NRG3: variants seen among roughly 807,000 people sequenced by gnomAD.
NRG3 encodes the protein pro-neuregulin-3, membrane-bound isoform.
In NRG3, 31 loss-of-function variants were observed where a neutral mutation model predicts 66.9. The observed-to-expected ratio is 0.46, with a 90% confidence interval of 0.35 to 0.63. NRG3 has a LOEUF of 0.63. Among genes scored for constraint, NRG3 ranks in the 20% least tolerant of loss-of-function variants. The pLI is 0.00. For synonymous variants in NRG3, 393 were observed against 359.4 expected (o/e 1.09, Z -1.06); for missense variants, 910 against 878.9 (o/e 1.04, Z -0.45).
At chr10:82,721,355 G>A (rs1326506497) in intron 2 of NRG3, among the ~76,000 whole-genome samples, 1 of 151,072 alleles carries the variant, frequency 6.6e-6, no homozygotes. Flanking sequence ...AGCCAGGATT[G>A]TCTCGATCTT....
At chr10:82,818,068 G>A (rs542043949) in intron 3 of NRG3, among the ~76,000 whole-genome samples, 31 of 152,350 alleles carry the variant, frequency 2.0e-4, no homozygotes, top group African/African-American at 6.3e-4. Flanking sequence ...GAGTAGCCAC[G>A]CATGGGCTGT....
chr10:82,298,119 G>T (rs1030176658), intron 1 of NRG3, among the ~76,000 whole-genome samples: 1 of 151,838 alleles, frequency 6.6e-6, no homozygotes, highest in African/African-American at 2.4e-5. Flanking sequence ...ACTCAAGCCT[G>T]GGCAACAGAG....
intron 2 of NRG3, among the ~76,000 whole-genome samples, chr10:82,570,088 G>A (rs679587): frequency 0.58 from 88,157 of 150,992 alleles, 28,285 homozygotes; most frequent in African/African-American, 0.85. Context: ...GAGAATCTAA[G>A]CCAAATCCCC....
chr10:82,110,970 G>A (rs955391845), intron 1 of NRG3, among the ~76,000 whole-genome samples: 2 of 152,182 alleles, frequency 1.3e-5, no homozygotes, highest in African/African-American at 4.8e-5. Context: ...TGCTAACAAA[G>A]ATGTTACCAA....
At chr10:82,944,820 G>A (rs1848866664) in intron 4 of NRG3, among the ~76,000 whole-genome samples, 1 of 152,166 alleles carries the variant, frequency 6.6e-6, no homozygotes, top group African/African-American at 2.4e-5. Context: ...ACAGGAAAAA[G>A]TATTAGAAAA....
intron 1 of NRG3, among the ~76,000 whole-genome samples, chr10:82,258,177 A>G (rs1337851164): frequency 6.6e-6 from 1 of 152,224 alleles, no homozygotes; most frequent in Non-Finnish European, 1.5e-5. Flanking sequence ...GTTAAAAATT[A>G]TTCCAACCTA....
chr10:82,281,922 T>C (rs966861679), intron 1 of NRG3, among the ~76,000 whole-genome samples: 6 of 152,216 alleles, frequency 3.9e-5, no homozygotes, highest in Admixed American at 6.5e-5. Flanking sequence ...CATGGCTATT[T>C]GTTGGATTTC....
chr10:82,454,481 C>G (rs967974274), intron 2 of NRG3, among the ~76,000 whole-genome samples: 6 of 152,042 alleles, frequency 3.9e-5, no homozygotes, highest in Admixed American at 3.9e-4. Flanking sequence ...AAATAACTTA[C>G]AAAATAGATC....
At chr10:82,065,352 T>C (rs999915425) in intron 1 of NRG3, among the ~76,000 whole-genome samples, 3 of 152,196 alleles carry the variant, frequency 2.0e-5, no homozygotes, top group Non-Finnish European at 2.9e-5. Context: ...TGTGTATAAA[T>C]AGAGTGGGGT....
chr10:81,987,894 C>T (rs533784383), intron 1 of NRG3, among the ~76,000 whole-genome samples: 1 of 152,252 alleles, frequency 6.6e-6, no homozygotes, highest in African/African-American at 2.4e-5. Context: ...GAGATTGGTG[C>T]TATGCATATC....
chr10:82,115,070 C>T lies in NRG3; in HGVS notation c.823+238907C>T, dbSNP rs2067622305. Among the ~76,000 whole-genome samples the T allele has an allele frequency of 2.0e-5, 3 of 152,078 alleles. No individual in the cohort carries two copies. The South Asian group carries it at 6.2e-4, about 31-fold the overall frequency. On this transcript the variant is annotated intron_variant, in intron 1 of 8. Transcript: ENST00000372141. ...TTTTAATAGCAAAAATGAGTCAAGA[C>T]CTGATCTTCTGAACACATCACTTGC...
chr10:82,347,406 G>T (rs2083099284), intron 1 of NRG3, among the ~76,000 whole-genome samples: 1 of 152,086 alleles, frequency 6.6e-6, no homozygotes, highest in African/African-American at 2.4e-5. Context: ...CTGAGTTCTA[G>T]TTTGATTGCA....
chr10:82,445,022 G>A (rs910414569), intron 2 of NRG3, among the ~76,000 whole-genome samples: 6 of 152,210 alleles, frequency 3.9e-5, no homozygotes, highest in African/African-American at 1.4e-4. Context: ...CCATGCTACA[G>A]AGACAGTTGA....
intron 2 of NRG3, among the ~76,000 whole-genome samples, chr10:82,655,274 A>C (rs1454243215): frequency 6.6e-6 from 1 of 152,154 alleles, no homozygotes; most frequent in Non-Finnish European, 1.5e-5. Context: ...ATTAAAAAAC[A>C]AAAGAAAAAA....
chr10:81,997,097 T>G (rs1341370933), intron 1 of NRG3, among the ~76,000 whole-genome samples: 3 of 152,222 alleles, frequency 2.0e-5, no homozygotes, highest in Non-Finnish European at 4.4e-5. Context: ...TATTACCAGA[T>G]GAATCATTCT....
chr10:82,076,292 A>G (rs978776372), intron 1 of NRG3, among the ~76,000 whole-genome samples: 1 of 152,200 alleles, frequency 6.6e-6, no homozygotes. Context: ...CATTGTGAAT[A>G]TAAGTAAGAC....
chr10:82,877,018 T>G (rs1021031422), intron 4 of NRG3, among the ~76,000 whole-genome samples: 8 of 145,292 alleles, frequency 5.5e-5, no homozygotes, highest in Admixed American at 2.1e-4. Context: ...AGTGAAACTC[T>G]GCCAAGAAAA....
intron 1 of NRG3, among the ~76,000 whole-genome samples, chr10:82,249,429 C>G (rs2077386785): frequency 6.6e-6 from 1 of 152,126 alleles, no homozygotes; most frequent in South Asian, 2.1e-4. Context: ...AGATTCTTTT[C>G]CCACCCCCCA....
intron 3 of NRG3, among the ~76,000 whole-genome samples, chr10:82,848,727 G>A (rs2063425768): frequency 6.6e-6 from 1 of 152,120 alleles, no homozygotes; most frequent in Non-Finnish European, 1.5e-5. Flanking sequence ...ACATATCATG[G>A]TGGGAGGGAC....
Sources: allele counts gnomAD v4.1 joint callset (sites outside exome capture counted in the v4.1 genomes callset), GRCh38; gene constraint gnomAD v4.1.1; transcripts MANE v1.5; gene names NCBI Gene and HGNC (gene_info 2026-07-23, HGNC 2026-07-21).